PPP1R1C: variants seen among roughly 807,000 people sequenced by gnomAD.
PPP1R1C encodes protein phosphatase 1 regulatory subunit 1C.
PPP1R1C carries 15 observed loss-of-function variants against 17.4 expected under a neutral mutation model. That is an observed-to-expected ratio of 0.86 (90% CI 0.58 to 1.33). PPP1R1C has a LOEUF of 1.33. Among genes scored for constraint, PPP1R1C ranks in the 40% most tolerant of loss-of-function variants. The pLI is 0.00. For missense variants in PPP1R1C, 143 were observed against 130.0 expected (o/e 1.10, Z -0.48); for synonymous variants, 35 against 43.1 (o/e 0.81, Z 0.73).
At chr2:182,049,622 A>G (rs1182633367) in intron 2 of PPP1R1C, among the ~76,000 whole-genome samples, 1 of 152,082 alleles carries the variant, frequency 6.6e-6, no homozygotes, top group East Asian at 1.9e-4. Context: ...AGGCCCCAAA[A>G]CATGCAGGGG....
intron 1 of PPP1R1C, among the ~76,000 whole-genome samples, chr2:181,960,034 A>G (rs547309253): frequency 2.0e-5 from 3 of 152,210 alleles, no homozygotes; most frequent in Non-Finnish European, 1.5e-5. Flanking sequence ...TAACTAAAAG[A>G]GTCTTACAAA....
chr2:182,083,975 T>C (rs1688554561), intron 4 of PPP1R1C, among the ~76,000 whole-genome samples: 1 of 152,226 alleles, frequency 6.6e-6, no homozygotes, highest in Non-Finnish European at 1.5e-5. Flanking sequence ...GGTGAGGTCG[T>C]ATTTCATTGT....
At chr2:181,979,921 C>T (rs1475913485) in intron 2 of PPP1R1C, among the ~76,000 whole-genome samples, 1 of 152,114 alleles carries the variant, frequency 6.6e-6, no homozygotes, top group African/African-American at 2.4e-5. Flanking sequence ...AAAACAACAA[C>T]AACACCTGTA....
chr2:182,106,044 G>A (rs926275621), intron 4 of PPP1R1C, among the ~76,000 whole-genome samples: 5 of 152,120 alleles, frequency 3.3e-5, no homozygotes, highest in African/African-American at 9.7e-5. Context: ...ATTTTCCTTG[G>A]CTTATAGATG....
chr2:181,961,738 A>T lies in PPP1R1C; in HGVS notation n.111+7104A>T. On this transcript the variant is annotated intron_variant and non_coding_transcript_variant, in intron 1 of 5. Transcript: ENST00000464264. The surrounding 1 kb of genome is among the most constrained non-coding windows in gnomAD (Gnocchi z 5.8). ...ATATTGGGCCCGGATATCTGCTATG[A>T]TCTTGGCAAGGTCCTGAGATTTGGG... is the stretch of plus-strand genomic sequence containing the variant. The T allele has an allele frequency of 1.0e-6, 1 of 979,992 alleles. No homozygotes were observed. The highest frequency in any genetic ancestry group is 1.7e-5 in the Admixed American group (1 of 58,826). 60.7% of individuals were successfully genotyped at this position (979,992 alleles called of 1,614,324 possible).
At chr2:182,022,978 AT>A (rs1339719794) in intron 2 of PPP1R1C, among the ~76,000 whole-genome samples, 3 of 152,224 alleles carry the variant, frequency 2.0e-5, no homozygotes, top group African/African-American at 7.2e-5. Flanking sequence ...TGGCAAGAAG[AT>A]AATAAATTAA....
chr2:182,002,300 T>G (rs2125149959), intron 2 of PPP1R1C, among the ~76,000 whole-genome samples: 1 of 152,148 alleles, frequency 6.6e-6, no homozygotes, highest in South Asian at 2.1e-4. Context: ...CAGTAAAAAA[T>G]CTGAAAAACT....
chr2:182,080,417 A>T (rs969030133), intron 4 of PPP1R1C, among the ~76,000 whole-genome samples: 1 of 152,226 alleles, frequency 6.6e-6, no homozygotes, highest in African/African-American at 2.4e-5. Flanking sequence ...GCCATAACTA[A>T]TCAACCTTTT....
rs887930276 is a variant in PPP1R1C, at chr2:181,962,576, C to A, written n.111+7942C>A. Reference sequence around the variant, plus strand: ...CTGCAGAGAAACATCAAGCTCAGATCGAACAAAGCAAAGAGCGGGAGGGGC... The same window carrying A: ...CTGCAGAGAAACATCAAGCTCAGATAGAACAAAGCAAAGAGCGGGAGGGGC... On this transcript the variant is annotated intron_variant and non_coding_transcript_variant, in intron 1 of 5. Transcript: ENST00000464264. The surrounding 1 kb of genome is among the most constrained non-coding windows in gnomAD (Gnocchi z 6.0). 1 of 499,146 alleles carries A rather than the reference C, an allele frequency of 2.0e-6. No homozygotes were observed. The allele number at this position is 499,146 out of a possible 1,614,324, so 30.9% of individuals were successfully genotyped here.
At chr2:181,959,777 G>A (rs1354291884) in intron 1 of PPP1R1C, among the ~76,000 whole-genome samples, 1 of 152,188 alleles carries the variant, frequency 6.6e-6, no homozygotes, top group Non-Finnish European at 1.5e-5. Flanking sequence ...ATTGGAGAAA[G>A]CTTTGAGCAG....
Position 181,998,218 on chromosome 2 carries a change from G to T in PPP1R1C, c.142+10319G>T, listed in dbSNP as rs574397770. ...CAGGGATCCTGGTAACACTGGCATT[G>T]GTTGTGTTGCTGGAATCAAGTGAGA... On this transcript the variant is annotated intron_variant, in intron 2 of 4. Transcript: ENST00000682840. Among the ~76,000 whole-genome samples, 17 of 152,320 alleles carry T rather than the reference G, an allele frequency of 1.1e-4. No homozygotes were observed. The South Asian group carries it at 3.5e-3, about 32-fold the overall frequency.
chr2:182,044,679 ATCTGTCTTTT>A (rs1687288931), intron 2 of PPP1R1C, among the ~76,000 whole-genome samples: 1 of 152,196 alleles, frequency 6.6e-6, no homozygotes, highest in East Asian at 1.9e-4. Flanking sequence ...CTTTTTAATC[ATCTGTCTTTT>A]TCAATAGAGT....
intron 2 of PPP1R1C, among the ~76,000 whole-genome samples, chr2:182,021,961 G>T (rs1686441984): frequency 6.6e-6 from 1 of 152,122 alleles, no homozygotes; most frequent in African/African-American, 2.4e-5. Context: ...CAGTAGAAAC[G>T]CTCTAAGCCA....
chr2:182,034,948 A>G (rs1686957758), intron 2 of PPP1R1C, among the ~76,000 whole-genome samples: 1 of 152,214 alleles, frequency 6.6e-6, no homozygotes, highest in Non-Finnish European at 1.5e-5. Context: ...CACACCTTTA[A>G]TGCACTACAT....
intron 4 of PPP1R1C, among the ~76,000 whole-genome samples, chr2:182,075,805 TTTTGGAG>T (rs4018719): frequency 1.1e-3 from 175 of 152,292 alleles, no homozygotes; most frequent in African/African-American, 4.0e-3. Context: ...TCACTTCAAA[TTTTGGAG>T]TTTCCTTTTG....
At chr2:182,017,552 A>G (rs1226752166) in intron 2 of PPP1R1C, among the ~76,000 whole-genome samples, 7 of 152,138 alleles carry the variant, frequency 4.6e-5, no homozygotes, top group Admixed American at 4.6e-4. Context: ...GAATGTTAAC[A>G]TTTAAAGAAT....
At chr2:181,990,152 T>G (rs1389068656) in intron 2 of PPP1R1C, among the ~76,000 whole-genome samples, 1 of 151,856 alleles carries the variant, frequency 6.6e-6, no homozygotes, top group Non-Finnish European at 1.5e-5. Context: ...TTCTTTCTTT[T>G]TTTTTTGAGA....
chr2:181,966,555 G>C (rs1179107077), intron 1 of PPP1R1C, among the ~76,000 whole-genome samples: 1 of 152,000 alleles, frequency 6.6e-6, no homozygotes, highest in Non-Finnish European at 1.5e-5. Flanking sequence ...TTCAGCATCA[G>C]TTGCAATGAT....
chr2:182,103,788 A>G (rs1021867319), intron 4 of PPP1R1C: 6 of 152,272 alleles, frequency 3.9e-5, no homozygotes, highest in Middle Eastern at 3.2e-3. Context: ...CAAGCTGAGT[A>G]ATGAGAAACA....
Sources: allele counts gnomAD v4.1 joint callset (sites outside exome capture counted in the v4.1 genomes callset), GRCh38; gene constraint gnomAD v4.1.1; non-coding constraint Gnocchi (gnomAD v3.1); transcripts MANE v1.5; gene names NCBI Gene and HGNC (gene_info 2026-07-23, HGNC 2026-07-21).